Variants in ZNF469 observed in about 807,000 individuals in gnomAD.
ZNF469 encodes zinc finger protein 469.
In ZNF469, 1 loss-of-function variant was observed where a neutral mutation model predicts 1.0. The ratio of observed to expected loss-of-function variants is 1.00; its 90% CI spans 0.35 to 4.73. The LOEUF is 4.73. ZNF469 is among the 30% of genes most tolerant of loss of function. ZNF469 has a pLI of 0.16. For synonymous variants in ZNF469, 2,703 were observed against 2,363.4 expected (o/e 1.14, Z -4.17); for missense variants, 6,100 against 5,356.3 (o/e 1.14, Z -4.33).
rs1179192896 is a variant in ZNF469 at position 88,434,036 on chromosome 16, C to T, written c.6566C>T (p.Ala2189Val). ...DGVQATTDTG[A>V]EDSPVAPPSL... Reference sequence around the variant, plus strand: ...GTCCAAGCCACGACAGATACTGGGGCTGAGGATTCCCCGGTGGCTCCCCCG... The same window carrying T: ...GTCCAAGCCACGACAGATACTGGGGTTGAGGATTCCCCGGTGGCTCCCCCG... Residue 2189 changes from alanine (A) to valine (V), a missense_variant, in exon 3 of 3, where the codon GCT (alanine) becomes GTT (valine). By Grantham distance (64) the Ala-to-Val change is moderately conservative (BLOSUM62 0). Transcript: ENST00000565624. The T allele has an allele frequency of 1.9e-6, 3 of 1,550,186 alleles. No homozygotes were observed. In the African/African-American group the frequency reaches 4.1e-5, roughly 21 times the overall value.
chr16:88,304,526 G>C, the ZNF469 span, among the ~76,000 whole-genome samples: 1 of 152,168 alleles, frequency 6.6e-6, no homozygotes, highest in Admixed American at 6.5e-5. Flanking sequence ...GTCGCCCGGT[G>C]AGCAAGGGGG....
chr16:88,189,055 G>A, the ZNF469 span, among the ~76,000 whole-genome samples: 1 of 152,058 alleles, frequency 6.6e-6, no homozygotes, highest in Non-Finnish European at 1.5e-5. This position sits in a 1 kb window ranked among gnomAD's most constrained non-coding sequence, Gnocchi z 4.3. Flanking sequence ...AGGGGAGGAT[G>A]TCTCACTAAA....
the ZNF469 span, among the ~76,000 whole-genome samples, chr16:88,143,337 A>C: frequency 6.6e-6 from 1 of 152,194 alleles, no homozygotes; most frequent in African/African-American, 2.4e-5. Context: ...TCCAGCCTTA[A>C]GGAGGCACCA....
chr16:88,205,363 G>A, the ZNF469 span, among the ~76,000 whole-genome samples: 3 of 152,168 alleles, frequency 2.0e-5, no homozygotes, highest in Non-Finnish European at 2.9e-5. The surrounding 1 kb of genome is among the most constrained non-coding windows in gnomAD (Gnocchi z 4.2). Context: ...AAGGGTACAG[G>A]AGCACTTTGC....
Position 88,429,294 on chromosome 16 carries a change from G to A in ZNF469, c.1824G>A (p.Leu608=). 2 of 1,549,902 alleles carry A rather than the reference G, an allele frequency of 1.3e-6. No individual in the cohort carries two copies. The highest frequency in any genetic ancestry group is 1.7e-6 in the Non-Finnish European group (2 of 1,146,838). Residue 608 remains leucine, a synonymous_variant, in exon 3 of 3, where the codon CTG becomes CTA. Transcript: ENST00000565624. ...CGGCCGGCAGCACCTGCTCTTCCCT[G>A]TCGCCGATGTCCAGCAGCCCAGCCA... ...TNTAGSTCSS[L]SPMSSSPANP... is the part of the protein sequence containing the mutation.
chr16:88,259,913 A>G, the ZNF469 span, among the ~76,000 whole-genome samples: 20 of 152,184 alleles, frequency 1.3e-4, no homozygotes, highest in African/African-American at 4.6e-4. The surrounding 1 kb of genome is among the most constrained non-coding windows in gnomAD (Gnocchi z 4.1). Context: ...ACAGATTTAC[A>G]TATTTTTTCT....
At chr16:88,107,018 C>T in the ZNF469 span, among the ~76,000 whole-genome samples, 20 of 152,210 alleles carry the variant, frequency 1.3e-4, no homozygotes, top group Admixed American at 5.9e-4. Flanking sequence ...GTAACAGCAG[C>T]GAGGGTCACG....
the ZNF469 span, among the ~76,000 whole-genome samples, chr16:88,369,535 C>T: frequency 6.6e-6 from 1 of 152,352 alleles, no homozygotes; most frequent in African/African-American, 2.4e-5. Flanking sequence ...GCCCATTGCC[C>T]ATTGCTATGT....
the ZNF469 span, among the ~76,000 whole-genome samples, chr16:88,298,753 C>T: frequency 1.3e-5 from 2 of 152,166 alleles, no homozygotes; most frequent in African/African-American, 2.4e-5. Flanking sequence ...GGGCACCTCC[C>T]GAGACAGGAG....
chr16:88,174,874 T>A, the ZNF469 span, among the ~76,000 whole-genome samples: 1 of 152,298 alleles, frequency 6.6e-6, no homozygotes, highest in African/African-American at 2.4e-5. Flanking sequence ...GAGTCAAAAG[T>A]TATTTGCAGA....
the ZNF469 span, among the ~76,000 whole-genome samples, chr16:88,226,692 G>C: frequency 6.6e-6 from 1 of 151,816 alleles, no homozygotes; most frequent in South Asian, 2.1e-4. Flanking sequence ...GACCTCGAAT[G>C]TCCCCTGGCA....
chr16:88,383,544 C>T lies in ZNF469; in HGVS notation c.-192+290C>T, dbSNP rs2092530682. Among the ~76,000 whole-genome samples the T allele has an allele frequency of 4.0e-5, 6 of 149,956 alleles. No homozygotes were observed. The South Asian group carries it at 1.0e-3, about 26-fold the overall frequency. On this transcript the variant is annotated intron_variant, in intron 1 of 2. Transcript: ENST00000565624. ...GCGTTGGCAGCGCGGGGTCCGGCTC[C>T]GTGGGCAGTTTGGGAAGCGCCCGGG...
chr16:88,135,302 G>C, the ZNF469 span, among the ~76,000 whole-genome samples: 14 of 152,242 alleles, frequency 9.2e-5, no homozygotes, highest in South Asian at 4.1e-4. Context: ...ATCATTTGTC[G>C]TCTGCTTTGT....
Position 88,433,003 on chromosome 16 carries a change from C to G in ZNF469, c.5533C>G (p.Pro1845Ala), listed in dbSNP as rs987059646. Residue 1845 changes from proline (P) to alanine (A), a missense_variant, in exon 3 of 3, where the codon CCC (proline) becomes GCC (alanine). Pro to Ala is a conservative substitution (Grantham distance 27). Transcript: ENST00000565624. ...SAGRAGGHLH[P>A]TAGRPGFEGN... is the part of the protein sequence containing the mutation. ...AGGCAGAGCAGGTGGGCACCTCCAC[C>G]CCACGGCAGGGAGGCCTGGCTTTGA... 6.5e-6 allele frequency: 10 copies of G among 1,550,258 alleles called. No individual in the cohort carries two copies. Among genetic ancestry groups the G allele is most frequent in the African/African-American group, 1.4e-5 (1 of 73,058 alleles).
At chr16:88,130,567 G>A in the ZNF469 span, among the ~76,000 whole-genome samples, 1,762 of 152,082 alleles carry the variant, frequency 0.012, 21 homozygotes, top group African/African-American at 0.029. Flanking sequence ...TTAGCTGGGC[G>A]TGGTGGCAGG....
chr16:88,395,838 C>T (rs180752810), intron 1 of ZNF469, among the ~76,000 whole-genome samples: 6 of 152,192 alleles, frequency 3.9e-5, no homozygotes, highest in Non-Finnish European at 5.9e-5. Context: ...AGGCATCAGG[C>T]CGCACGTCTT....
chr16:88,109,309 C>A, the ZNF469 span, among the ~76,000 whole-genome samples: 6 of 152,230 alleles, frequency 3.9e-5, no homozygotes, highest in African/African-American at 1.2e-4. Context: ...AGCCCAGTGG[C>A]TCCCCCTGTC....
Position 88,429,529 on chromosome 16 carries a change from G to A in ZNF469, c.2059G>A (p.Glu687Lys), listed in dbSNP as rs1905975458. 2 of 1,550,056 alleles carry A rather than the reference G, an allele frequency of 1.3e-6. No individual in the cohort carries two copies. The highest frequency in any genetic ancestry group is 1.2e-5 in the South Asian group (1 of 84,070). The change falls in exon 3 of 3, where the codon GAG (glutamate) becomes AAG (lysine). Residue 687 changes from glutamate to lysine, a missense_variant. Glu to Lys is a moderately conservative substitution (Grantham distance 56). Coordinates refer to ENST00000565624, the MANE Select transcript of ZNF469 (RefSeq NM_001367624.2). ...GAEGAFQCLEETPFPHEGPEV... is the reference protein window; with the variant it reads ...GAEGAFQCLEKTPFPHEGPEV... ...CGAGGGTGCCTTCCAGTGCCTGGAG[G>A]AGACCCCATTCCCCCACGAGGGCCC...
At chr16:88,287,543 C>T in the ZNF469 span, among the ~76,000 whole-genome samples, 1 of 152,250 alleles carries the variant, frequency 6.6e-6, no homozygotes, top group African/African-American at 2.4e-5. Context: ...CAATCCCATG[C>T]TGGCAAAACT....
Sources: gnomAD v4.1 joint callset for allele counts (sites outside exome capture counted in the v4.1 genomes callset) on GRCh38, gnomAD v4.1.1 for gene constraint, Gnocchi (gnomAD v3.1) non-coding constraint, MANE v1.5 for transcripts, NCBI Gene and HGNC (gene_info 2026-07-23, HGNC 2026-07-21) for gene names.